Variants in MYCBP2 observed in about 807,000 individuals in gnomAD.
MYCBP2 encodes MYC binding protein 2.
A neutral mutation model predicts 525.3 loss-of-function variants in MYCBP2; 120 were observed. The observed-to-expected ratio is 0.23, with a 90% confidence interval of 0.20 to 0.27. The LOEUF (loss-of-function observed/expected upper bound fraction) is 0.27. Ranked by LOEUF, MYCBP2 falls within the 10% of genes least tolerant of loss-of-function variation. The pLI is 1.00. For synonymous variants in MYCBP2, 1,894 were observed against 1,955.8 expected (o/e 0.97, Z 0.83); for missense variants, 4,149 against 5,657.1 (o/e 0.73, Z 8.55).
chr13:77,124,321 T>C (rs983205769), intron 54 of MYCBP2, among the ~76,000 whole-genome samples: 6 of 152,222 alleles, frequency 3.9e-5, no homozygotes, highest in African/African-American at 7.2e-5. Flanking sequence ...TCCATCATTA[T>C]TGCAAATTTC....
intron 21 of MYCBP2, among the ~76,000 whole-genome samples, chr13:77,216,642 T>C (rs1191432613): frequency 6.6e-6 from 1 of 152,096 alleles, no homozygotes; most frequent in African/African-American, 2.4e-5. Context: ...GAGGACATTA[T>C]CAAAGAAACA....
chr13:77,058,488 A>G lies in MYCBP2; in HGVS notation c.13141-82T>C, dbSNP rs962511651. 8.0e-7 allele frequency: 1 copy of G among 1,252,490 alleles called. No homozygotes were observed. The highest frequency in any genetic ancestry group is 1.1e-6 in the Non-Finnish European group (1 of 930,806). 77.6% of individuals were successfully genotyped at this position (1,252,490 alleles called of 1,614,324 possible). A position where few individuals can be genotyped will look rare whatever the true frequency, so the allele number is the denominator to read the frequency against. On this transcript the variant is annotated intron_variant, in intron 77 of 82. Coordinates refer to ENST00000544440, the MANE Select transcript of MYCBP2 (RefSeq NM_015057.5). This position sits in a 1 kb window ranked among gnomAD's most constrained non-coding sequence, Gnocchi z 4.1. ...AATTTTCCTTATTATATAAATTTCC[A>G]AAGATTACTTTCCCACAGGAAGTAT...
intron 55 of MYCBP2, among the ~76,000 whole-genome samples, chr13:77,120,570 C>T (rs1339070545): frequency 3.3e-5 from 5 of 152,090 alleles, no homozygotes; most frequent in African/African-American, 1.2e-4. Context: ...CGTAAGCTAT[C>T]TGCTCCCTTT....
In MYCBP2 at chr13:77,140,891, T is replaced by C. The variant is rs1181600993; in HGVS notation, c.7356A>G (p.Pro2452=). Residue 2452 remains proline, a synonymous_variant, in exon 50 of 83, where the codon CCA becomes CCG. Coordinates refer to ENST00000544440, the MANE Select transcript of MYCBP2 (RefSeq NM_015057.5). ...ACTTTGGTTTGACCAACTGAGTTCC[T>C]GGTGGTATCATCCCTTTTGGTGGGT... ...VKDPPKGMIP[P]GTQLVKPKSE... 1.2e-6 allele frequency: 2 copies of C among 1,613,184 alleles called. No individual in the cohort carries two copies. The highest frequency in any genetic ancestry group is 2.2e-5 in the South Asian group (2 of 90,874).
At chr13:77,153,760 T>TC (rs1323763841) in intron 46 of MYCBP2, among the ~76,000 whole-genome samples, 1 of 151,880 alleles carries the variant, frequency 6.6e-6, no homozygotes, top group Non-Finnish European at 1.5e-5. Context: ...AACTTTTTTT[T>TC]TTAATTCACA....
Position 77,076,774 on chromosome 13 carries a change from C to T in MYCBP2, c.11800G>A (p.Glu3934Lys). The T allele has an allele frequency of 6.2e-7, 1 of 1,607,556 alleles. No individual in the cohort carries two copies. ...QEEKALLSSPEGEEKVYNATS... is the reference protein window; with the variant it reads ...QEEKALLSSPKGEEKVYNATS... The stretch of plus-strand genomic sequence containing the variant: ...ACATTGTATACTTTTTCTTCTCCTT[C>T]AGGTGATGACAATAGTGCTTTTTCC... The change falls in exon 68 of 83, where the codon GAA becomes AAA. Residue 3934 changes from glutamate (E) to lysine (K), a missense_variant. Around this residue, in one of 21 missense-constraint regions of MYCBP2, gnomAD observed 509 missense variants for 789.4 expected, o/e 0.64. Transcript: ENST00000544440.
At chr13:77,099,301 ATAAC>A (rs912341008) in intron 55 of MYCBP2, 2 of 327,744 alleles carry the variant, frequency 6.1e-6, no homozygotes, top group African/African-American at 4.3e-5. Context: ...CCCTAGTGCA[ATAAC>A]TAGTTAGAAT....
At chr13:77,219,816 G>C (rs1354225935) in intron 20 of MYCBP2, among the ~76,000 whole-genome samples, 2 of 152,062 alleles carry the variant, frequency 1.3e-5, no homozygotes, top group Non-Finnish European at 2.9e-5. Context: ...CCGAGAGCAG[G>C]AGTTTTCAAC....
chr13:77,294,131 C>CATATATATATATATATATATATACACAT, intron 2 of MYCBP2, among the ~76,000 whole-genome samples: 36 of 65,704 alleles, frequency 5.5e-4, no homozygotes, highest in Middle Eastern at 9.6e-3. Context: ...TATATATATA[C>CATATATATATATATATATATATACACAT]ATATATATAT....
At chr13:77,244,322 ACAATGTTGCTGTCCAG>A (rs1195333968) in intron 15 of MYCBP2, among the ~76,000 whole-genome samples, 2 of 152,232 alleles carry the variant, frequency 1.3e-5, no homozygotes, top group Admixed American at 1.3e-4. Context: ...AAACAATCAA[ACAATGTTGCTGTCCAG>A]CAGATAAGTG....
chr13:77,109,139 A>T (rs1312923558), intron 55 of MYCBP2, among the ~76,000 whole-genome samples: 7 of 152,182 alleles, frequency 4.6e-5, no homozygotes, highest in Admixed American at 4.6e-4. Flanking sequence ...TGGCAGGTAG[A>T]GGACGGTTTC....
chr13:77,169,622 T>G lies in MYCBP2; in HGVS notation c.5887A>C (p.Ile1963Leu), dbSNP rs200019716. ...AGAATTAAATTACACACCTTGGGAA[T>G]AGCAGCAGCTACTGGTCCTATGTAG... ...IAYIGPVAAAIPKVAVEVFGL... is the reference protein window; with the variant it reads ...IAYIGPVAAALPKVAVEVFGL... The change falls in exon 39 of 83, where the codon ATT (isoleucine) becomes CTT (leucine). Residue 1963 changes from isoleucine (I) to leucine (L), a missense_variant. Around this residue, in one of 21 missense-constraint regions of MYCBP2, gnomAD observed 692 missense variants for 852.7 expected, o/e 0.81. Transcript: ENST00000544440. 6.2e-7 allele frequency: 1 copy of G among 1,611,518 alleles called. No homozygotes were observed. Among genetic ancestry groups the G allele is most frequent in the Non-Finnish European group, 8.5e-7 (1 of 1,177,932 alleles).
At chr13:77,225,615 T>C in intron 18 of MYCBP2, 61 bp from the exon 19 acceptor site, 3 of 1,587,464 alleles carry the variant, frequency 1.9e-6, no homozygotes, top group South Asian at 1.1e-5. Context: ...AAATAAAAAT[T>C]TAAATCAGTT....
In MYCBP2 at chr13:77,187,768, C is replaced by T. The variant is rs180914124; in HGVS notation, c.4251+1183G>A. Among the ~76,000 whole-genome samples, 20 of 151,404 alleles carry T rather than the reference C, an allele frequency of 1.3e-4. No individual in the cohort carries two copies. In the East Asian group the frequency reaches 3.3e-3, roughly 25 times the overall value. On this transcript the variant is annotated intron_variant, in intron 30 of 82. Coordinates refer to ENST00000544440, the MANE Select transcript of MYCBP2 (RefSeq NM_015057.5). ...GCATATAAAAATGGTCTGGGAAGGC[C>T]GGGTGCGGTGGCTCACACCTGTAAT... is the stretch of plus-strand genomic sequence containing the variant.
At chr13:77,070,042 C>A (rs1280776264) in intron 69 of MYCBP2, among the ~76,000 whole-genome samples, 1 of 151,988 alleles carries the variant, frequency 6.6e-6, no homozygotes, top group Non-Finnish European at 1.5e-5. Flanking sequence ...GTTAATTGCT[C>A]AGCCAACACA....
chr13:77,200,472 G>A (rs1446097576), intron 26 of MYCBP2, among the ~76,000 whole-genome samples: 1 of 151,878 alleles, frequency 6.6e-6, no homozygotes, highest in Middle Eastern at 3.2e-3. Flanking sequence ...CACTCTGCAG[G>A]ATATTATCCA....
chr13:77,082,048 A>C (rs932436270), intron 63 of MYCBP2, 55 bp from the exon 64 acceptor site: 46 of 1,538,410 alleles, frequency 3.0e-5, no homozygotes, highest in South Asian at 3.6e-5. Context: ...AGGAACATCT[A>C]AGGAACTCTT....
chr13:77,171,760 C>A, intron 37 of MYCBP2, 126 bp from the exon 38 acceptor site: 2 of 886,894 alleles, frequency 2.3e-6, no homozygotes, highest in Non-Finnish European at 3.4e-6. Flanking sequence ...AAAAAGTAAA[C>A]ATGCAACTAT....
chr13:77,268,962 T>C (rs192639283), intron 7 of MYCBP2, among the ~76,000 whole-genome samples: 237 of 152,304 alleles, frequency 1.6e-3, no homozygotes, highest in African/African-American at 5.4e-3. Flanking sequence ...TCTTTATTCT[T>C]TATCCTTATA....
Sources: allele counts gnomAD v4.1 joint callset (sites outside exome capture counted in the v4.1 genomes callset), GRCh38; gene constraint gnomAD v4.1.1; regional missense constraint gnomAD v4.1.1; non-coding constraint Gnocchi (gnomAD v3.1); transcripts MANE v1.5; gene names NCBI Gene and HGNC (gene_info 2026-07-23, HGNC 2026-07-21).